Variants in MROH9 observed in about 807,000 individuals in gnomAD.
MROH9 encodes the protein maestro heat like repeat family member 9.
MROH9 carries 92 observed loss-of-function variants against 98.2 expected under a neutral mutation model. The observed-to-expected ratio is 0.94, with a 90% confidence interval of 0.79 to 1.11. The LOEUF is 1.11. MROH9 is among the 50% of genes most tolerant of loss of function. The pLI, the probability that MROH9 is intolerant of heterozygous loss-of-function variation, is 0.00. For missense variants in MROH9, 1,057 were observed against 1,014.8 expected (o/e 1.04, Z -0.57); for synonymous variants, 397 against 368.9 (o/e 1.08, Z -0.87).
chr1:170,965,125 T>TA, intron 6 of MROH9, 26 bp from the exon 7 acceptor site: 1 of 1,549,258 alleles, frequency 6.5e-7, no homozygotes, highest in Non-Finnish European at 8.9e-7. Context: ...TTCATGGTTC[T>TA]AGGATGACTT....
intron 20 of MROH9, among the ~76,000 whole-genome samples, chr1:171,044,949 A>C (rs1184399481): frequency 3.0e-5 from 3 of 98,986 alleles, no homozygotes; most frequent in African/African-American, 1.1e-4. Flanking sequence ...TTTCAGTTCA[A>C]TTCCATTTAT....
chr1:171,029,917 T>C (rs1652851642), intron 20 of MROH9, among the ~76,000 whole-genome samples: 1 of 152,174 alleles, frequency 6.6e-6, no homozygotes, highest in South Asian at 2.1e-4. Flanking sequence ...TGTGAGTCCA[T>C]CTGTTCCTGG....
At chr1:171,041,406 C>CAT (rs201305969) in intron 20 of MROH9, among the ~76,000 whole-genome samples, 9,316 of 54,668 alleles carry the variant, frequency 0.17, 587 homozygotes, top group Middle Eastern at 0.35. Context: ...GGTCAAGATA[C>CAT]ATACACACAC....
chr1:170,987,546 T>C (rs1386226491), intron 10 of MROH9, among the ~76,000 whole-genome samples: 1 of 152,214 alleles, frequency 6.6e-6, no homozygotes, highest in Non-Finnish European at 1.5e-5. Flanking sequence ...AACGTCTTTC[T>C]AAGCAAAAAG....
At chr1:171,001,886 G>T (rs969051560) in intron 15 of MROH9, among the ~76,000 whole-genome samples, 1 of 152,054 alleles carries the variant, frequency 6.6e-6, no homozygotes, top group African/African-American at 2.4e-5. Flanking sequence ...CATATTTTAG[G>T]TCTATTAGTA....
At position 170,974,691 on chromosome 1, in the gene MROH9, T is replaced by C. The variant is rs2101789400; in HGVS notation, c.616+2808T>C. On this transcript the variant is annotated intron_variant, in intron 8 of 21. Coordinates refer to ENST00000367759, the MANE Select transcript of MROH9 (RefSeq NM_001163629.2). ...AAAATTCTTTTAGAAAAGGAAATTATACCAGACGAAAATCTAGATCTACAA... is the reference window on the plus strand; with the variant it reads ...AAAATTCTTTTAGAAAAGGAAATTACACCAGACGAAAATCTAGATCTACAA... 3.3e-5 allele frequency among the ~76,000 whole-genome samples: 5 copies of C among 152,184 alleles called. No homozygotes were observed. The Middle Eastern group carries it at 0.014, about 414-fold the overall frequency.
At chr1:170,961,138 A>C (rs1310533871) in intron 5 of MROH9, among the ~76,000 whole-genome samples, 1 of 152,232 alleles carries the variant, frequency 6.6e-6, no homozygotes, top group Non-Finnish European at 1.5e-5. Context: ...GATATTCACA[A>C]ATTATTCCTT....
intron 17 of MROH9, 94 bp from the exon 18 acceptor site, chr1:171,024,301 G>GTGTGTGT (rs1553219573): frequency 0.051 from 36,572 of 714,300 alleles, 496 homozygotes; most frequent in Admixed American, 0.084. Context: ...ATATTTATAT[G>GTGTGTGT]GGGTGTGTGT....
At chr1:170,972,640 C>T (rs1462424337) in intron 8 of MROH9, among the ~76,000 whole-genome samples, 3 of 146,166 alleles carry the variant, frequency 2.1e-5, no homozygotes, top group African/African-American at 5.6e-5. Context: ...GAAACCCCCT[C>T]TCTACTAAAA....
At chr1:170,970,731 T>TGTGTGTGTGAGAGAGAGAGAGA (rs1491154307) in intron 7 of MROH9, among the ~76,000 whole-genome samples, 1 of 90,802 alleles carries the variant, frequency 1.1e-5, no homozygotes, top group African/African-American at 4.3e-5. Context: ...TGTGTGTGTG[T>TGTGTGTGTGAGAGAGAGAGAGA]GAGAGAGAGA....
At chr1:170,960,584 T>C (rs575092775) in intron 5 of MROH9, among the ~76,000 whole-genome samples, 20 of 152,324 alleles carry the variant, frequency 1.3e-4, no homozygotes, top group African/African-American at 4.6e-4. Flanking sequence ...AATCTTACTG[T>C]TTCCATCTAT....
intron 3 of MROH9, among the ~76,000 whole-genome samples, chr1:170,956,595 G>GTTTTTTTTTTTT (rs5778690): frequency 1.9e-5 from 2 of 104,604 alleles, no homozygotes; most frequent in East Asian, 2.7e-4. Flanking sequence ...TTTTTTTTTT[G>GTTTTTTTTTTTT]TTTTTTTTTT....
At chr1:171,040,018 A>G (rs912233651) in intron 20 of MROH9, among the ~76,000 whole-genome samples, 1 of 152,140 alleles carries the variant, frequency 6.6e-6, no homozygotes, top group Non-Finnish European at 1.5e-5. Context: ...CTTTGAGACA[A>G]CATAGATGGT....
intron 14 of MROH9, among the ~76,000 whole-genome samples, chr1:170,996,981 T>A (rs1311538309): frequency 2.6e-5 from 4 of 152,120 alleles, no homozygotes; most frequent in Non-Finnish European, 5.9e-5. Flanking sequence ...CAGGCATCAG[T>A]TTTAGACATG....
At position 171,014,274 on chromosome 1, in the gene MROH9, G is replaced by A; in HGVS notation, c.1734+20G>A. The A allele has an allele frequency of 1.9e-6, 3 of 1,540,642 alleles. No individual in the cohort carries two copies. The highest frequency in any genetic ancestry group is 1.2e-5 in the South Asian group (1 of 82,722). Reference sequence around the variant, plus strand: ...AATAAGGTATGTGTATGTGATTTGTGTCTGCAAGCATCATCTAAATCATAA... The same window carrying A: ...AATAAGGTATGTGTATGTGATTTGTATCTGCAAGCATCATCTAAATCATAA... On this transcript the variant is annotated intron_variant, in intron 16 of 21. Coordinates refer to ENST00000367759, the MANE Select transcript of MROH9 (RefSeq NM_001163629.2).
chr1:170,988,828 A>G (rs1651245441), intron 10 of MROH9, among the ~76,000 whole-genome samples: 1 of 152,200 alleles, frequency 6.6e-6, no homozygotes, highest in Non-Finnish European at 1.5e-5. Flanking sequence ...CTAAATTAGC[A>G]TAAATTTCTA....
At chr1:171,013,571 T>C (rs768495668) in intron 15 of MROH9, among the ~76,000 whole-genome samples, 15 of 152,202 alleles carry the variant, frequency 9.9e-5, no homozygotes, top group Non-Finnish European at 1.8e-4. Flanking sequence ...TGTTGTGACA[T>C]CTGGTAGCTT....
chr1:171,018,922 T>C (rs1267939519), intron 17 of MROH9, among the ~76,000 whole-genome samples: 1 of 151,624 alleles, frequency 6.6e-6, no homozygotes, highest in Non-Finnish European at 1.5e-5. Flanking sequence ...GACAGCAAAT[T>C]AACAGGATAT....
chr1:170,992,149 G>C lies in MROH9; in HGVS notation c.1029-15G>C, dbSNP rs1407834501. On this transcript the variant is annotated splice_polypyrimidine_tract_variant and intron_variant, in intron 11 of 21. Transcript: ENST00000367759. ...AACATGATTCTCATTGTGTGGGGTG[G>C]GGCTGTGTTTGCAGCACTCTGATAC... is the stretch of plus-strand genomic sequence containing the variant. 1.3e-6 allele frequency: 2 copies of C among 1,592,546 alleles called. No individual in the cohort carries two copies. Among genetic ancestry groups the C allele is most frequent in the South Asian group, 2.3e-5 (2 of 88,154 alleles).
Sources: gnomAD v4.1 joint callset for allele counts (sites outside exome capture counted in the v4.1 genomes callset) on GRCh38, gnomAD v4.1.1 for gene constraint, MANE v1.5 for transcripts, NCBI Gene and HGNC (gene_info 2026-07-23, HGNC 2026-07-21) for gene names.